The following CCDC3 variants were observed in gnomAD, a reference collection of about 807,000 sequenced individuals.
CCDC3 encodes the protein coiled-coil domain-containing protein 3.
In CCDC3, 24 loss-of-function variants were observed where a neutral mutation model predicts 21.4. The observed-to-expected ratio is 1.12, with a 90% CI of 0.81 to 1.58. The LOEUF is 1.58. Ranked by LOEUF, CCDC3 falls within the 40% of genes most tolerant of loss-of-function variation. The probability of loss-of-function intolerance (pLI) is 0.00; values close to 1 mark genes in which losing one functional copy is unlikely to be tolerated. For missense variants in CCDC3, 425 were observed against 360.9 expected (o/e 1.18, Z -1.44); for synonymous variants, 186 against 166.0 (o/e 1.12, Z -0.93).
chr10:12,972,812 G>A (rs189174048), intron 2 of CCDC3, among the ~76,000 whole-genome samples: 1 of 140,412 alleles, frequency 7.1e-6, no homozygotes, highest in Admixed American at 7.5e-5. Flanking sequence ...ATGAGACTCT[G>A]TCTCAAAAAT....
chr10:12,954,660 A>G (rs1464045435), intron 2 of CCDC3, among the ~76,000 whole-genome samples: 1 of 152,172 alleles, frequency 6.6e-6, no homozygotes, highest in African/African-American at 2.4e-5. Flanking sequence ...TACAGAGTGA[A>G]AACTCATTCA....
intron 2 of CCDC3, among the ~76,000 whole-genome samples, chr10:12,998,023 T>A (rs551853197): frequency 6.6e-6 from 1 of 152,322 alleles, no homozygotes; most frequent in African/African-American, 2.4e-5. Context: ...AAGCCTGATA[T>A]AGATGCTACT....
chr10:12,929,151 A>G (rs939077032), intron 2 of CCDC3, among the ~76,000 whole-genome samples: 16 of 151,776 alleles, frequency 1.1e-4, no homozygotes, highest in South Asian at 2.1e-4. Flanking sequence ...AATCCCAGCT[A>G]CTTGGGAGGC....
At chr10:12,977,789 C>A (rs906726600) in intron 2 of CCDC3, among the ~76,000 whole-genome samples, 7 of 152,142 alleles carry the variant, frequency 4.6e-5, no homozygotes, top group Non-Finnish European at 1.0e-4. Context: ...TCCTATTGTT[C>A]ATGAAAAGAA....
At position 12,992,077 on chromosome 10, in the gene CCDC3, AAAAG is replaced by A. The variant is rs1164515474; in HGVS notation, c.549+6257_549+6260del. 4.6e-4 allele frequency among the ~76,000 whole-genome samples: 70 copies of A among 151,894 alleles called. 1 individual carries two copies. The highest frequency in any genetic ancestry group is 7.2e-4 in the Non-Finnish European group (49 of 67,930). On this transcript the variant is annotated intron_variant, in intron 2 of 2. Transcript: ENST00000378825. ...AACACATATTTGGATTAAAAAAAAA[AAAAG>A]AAAGAAAAAACAAAAACTCCATTGA...
chr10:13,052,975 CA>C (rs1836630493), intron 4 of CCDC3, among the ~76,000 whole-genome samples: 1 of 85,686 alleles, frequency 1.2e-5, no homozygotes, highest in African/African-American at 4.7e-5. Context: ...CACACACACA[CA>C]CACACACACA....
chr10:12,999,220 A>C (rs1434104557), intron 1 of CCDC3, among the ~76,000 whole-genome samples: 1 of 152,210 alleles, frequency 6.6e-6, no homozygotes, highest in East Asian at 1.9e-4. Flanking sequence ...AGCCTGGGTG[A>C]CAAGAGTGAG....
Position 12,951,804 on chromosome 10 carries a change from C to CAAAAAAAAAAAA in CCDC3, c.549+46522_549+46533dup, listed in dbSNP as rs71924811. ...TGGACAACAGAGTGAGACTTCATCTCAAAAAAAAAAAAAAAAAAAAAAAGT... is the reference window on the plus strand; with the variant it reads ...TGGACAACAGAGTGAGACTTCATCTCAAAAAAAAAAAAAAAAAAAAAAAAAAAAAAAAAAAGT... On this transcript the variant is annotated intron_variant, in intron 2 of 2. Coordinates refer to ENST00000378825, the MANE Select transcript of CCDC3 (RefSeq NM_031455.4). Among the ~76,000 whole-genome samples, 18 of 60,488 alleles carry CAAAAAAAAAAAA rather than the reference C, an allele frequency of 3.0e-4. 3 individuals are homozygous for CAAAAAAAAAAAA. The highest frequency in any genetic ancestry group is 1.1e-3 in the African/African-American group (14 of 12,770). The allele number at this position is 60,488 out of a possible 152,430, so 39.7% of individuals were successfully genotyped here.
chr10:13,046,434 C>T (rs1268513218), intron 5 of CCDC3, among the ~76,000 whole-genome samples: 2 of 148,734 alleles, frequency 1.3e-5, no homozygotes, highest in Admixed American at 6.7e-5. Context: ...AGGCCAGGTG[C>T]GGTGGCTCAT....
chr10:13,041,348 A>C (rs1836451187), intron 5 of CCDC3, among the ~76,000 whole-genome samples: 1 of 152,046 alleles, frequency 6.6e-6, no homozygotes, highest in Admixed American at 6.6e-5. Flanking sequence ...ATACAGACTA[A>C]AACACCACTC....
rs143190092 is a variant in CCDC3 at position 13,093,026 on chromosome 10, CTTT to C, written c.-503+5496_-503+5498del. On this transcript the variant is annotated intron_variant, in intron 3 of 6. Transcript: ENST00000378839. The stretch of plus-strand genomic sequence containing the variant: ...GGAAAGTCATGTATGAACCCCTCAC[CTTT>C]TTTTTTTTTTTTTTTTTCAAAAACA... 9.2e-3 allele frequency among the ~76,000 whole-genome samples: 1,187 copies of C among 128,662 alleles called. 42 individuals carry two copies. In the East Asian group the frequency reaches 0.12, roughly 13 times the overall value. 84.4% of individuals were successfully genotyped at this position (128,662 alleles called of 152,430 possible). A position where few individuals can be genotyped will look rare whatever the true frequency, so the allele number is the denominator to read the frequency against.
intron 2 of CCDC3, among the ~76,000 whole-genome samples, chr10:12,995,751 T>G (rs748163829): frequency 6.6e-6 from 1 of 152,206 alleles, no homozygotes; most frequent in African/African-American, 2.4e-5. Flanking sequence ...CACACTTTGT[T>G]ATCTAAGAGG....
intron 3 of CCDC3, among the ~76,000 whole-genome samples, chr10:13,086,620 G>A (rs529769658): frequency 6.6e-6 from 1 of 152,098 alleles, no homozygotes; most frequent in South Asian, 2.1e-4. Flanking sequence ...CTAATTTTTT[G>A]TATTTTTAGT....
At chr10:12,984,338 A>G (rs758235567) in intron 2 of CCDC3, among the ~76,000 whole-genome samples, 2 of 152,208 alleles carry the variant, frequency 1.3e-5, no homozygotes, top group African/African-American at 2.4e-5. Context: ...GGAAATGCCT[A>G]TCAAAACCAC....
intron 2 of CCDC3, among the ~76,000 whole-genome samples, chr10:12,985,457 T>C (rs1322879888): frequency 2.6e-5 from 4 of 152,232 alleles, no homozygotes; most frequent in East Asian, 1.9e-4. Flanking sequence ...AACTTATGCC[T>C]ACACAACACT....
At chr10:13,024,278 T>C (rs1219592308) in intron 5 of CCDC3, among the ~76,000 whole-genome samples, 1 of 152,204 alleles carries the variant, frequency 6.6e-6, no homozygotes, top group African/African-American at 2.4e-5. Context: ...TGTATAGTTT[T>C]ATATGCATCA....
chr10:12,905,766 G>A (rs188212484), intron 2 of CCDC3, among the ~76,000 whole-genome samples: 32 of 152,344 alleles, frequency 2.1e-4, no homozygotes, highest in Admixed American at 3.9e-4. Context: ...TTGGACAGAT[G>A]AGCCTAGAGC....
chr10:12,921,071 TTATGA>T (rs936656904), intron 2 of CCDC3, among the ~76,000 whole-genome samples: 66 of 152,326 alleles, frequency 4.3e-4, no homozygotes, highest in African/African-American at 1.5e-3. Context: ...AAGCTACATA[TTATGA>T]TATTTGCCTG....
chr10:13,070,088 A>G (rs1445992855), intron 4 of CCDC3, among the ~76,000 whole-genome samples: 1 of 136,238 alleles, frequency 7.3e-6, no homozygotes, highest in Non-Finnish European at 1.6e-5. Flanking sequence ...GGTCTAAACT[A>G]ATACAAAACT....
Sources: allele counts gnomAD v4.1 joint callset (sites outside exome capture counted in the v4.1 genomes callset), GRCh38; gene constraint gnomAD v4.1.1; transcripts MANE v1.5; gene names NCBI Gene and HGNC (gene_info 2026-07-23, HGNC 2026-07-21).